Variants in DDI2 observed in about 807,000 individuals in gnomAD.
DDI2 encodes the protein DDI proteasomal shuttling factor 2, also known as protein DDI1 homolog 2.
Under a neutral mutation model 48.1 loss-of-function variants are expected in DDI2, and 5 were observed. The ratio of observed to expected loss-of-function variants is 0.10; its 90% CI spans 0.05 to 0.22. The LOEUF (loss-of-function observed/expected upper bound fraction) is 0.22, where lower values mean the gene tolerates loss of function less well. Among genes scored for constraint, DDI2 ranks in the 10% least tolerant of loss-of-function variants. The pLI, the probability that DDI2 is intolerant of heterozygous loss-of-function variation, is 1.00. For missense variants in DDI2, 285 were observed against 506.2 expected (o/e 0.56, Z 4.19); for synonymous variants, 205 against 183.6 (o/e 1.12, Z -0.94).
At chr1:15,644,826 C>T (rs1640064341) in intron 6 of DDI2, among the ~76,000 whole-genome samples, 2 of 151,938 alleles carry the variant, frequency 1.3e-5, no homozygotes, top group Admixed American at 6.6e-5. Flanking sequence ...ATCTCCTGAC[C>T]TCGTGATCCG....
intron 5 of DDI2, among the ~76,000 whole-genome samples, chr1:15,643,242 C>T (rs556469808): frequency 6.6e-6 from 1 of 152,340 alleles, no homozygotes; most frequent in South Asian, 2.1e-4. Flanking sequence ...CAGGACATCA[C>T]TGCTTTCTAC....
chr1:15,649,269 C>T (rs1305492933), intron 6 of DDI2, among the ~76,000 whole-genome samples: 1 of 152,010 alleles, frequency 6.6e-6, no homozygotes, highest in Non-Finnish European at 1.5e-5. Flanking sequence ...AAGGTTTAGG[C>T]AGAGAATCAG....
intron 9 of DDI2, among the ~76,000 whole-genome samples, chr1:15,659,530 AAACAT>A (rs1285781615): frequency 6.6e-6 from 1 of 152,230 alleles, no homozygotes; most frequent in Non-Finnish European, 1.5e-5. Flanking sequence ...GGGAATAAAG[AAACAT>A]AAATGTCCTT....
chr1:15,626,770 A>C lies in DDI2; in HGVS notation c.240A>C (p.Ala80=). ...TGATTTTACGACAGAAGGAGAATGC[A>C]GACCCTCGACCTCCAGTGCAGTTCC... is the stretch of plus-strand genomic sequence containing the variant. The part of the protein sequence containing the change: ...DVVILRQKEN[A]DPRPPVQFPN... Residue 80 remains alanine, a synonymous_variant, in exon 2 of 10, where the codon GCA becomes GCC. Transcript: ENST00000480945. 1 of 1,614,178 alleles carries C rather than the reference A, an allele frequency of 6.2e-7. No individual in the cohort carries two copies. The highest frequency in any genetic ancestry group is 8.5e-7 in the Non-Finnish European group (1 of 1,180,038).
chr1:15,652,581 T>C (rs1640207612), intron 8 of DDI2, among the ~76,000 whole-genome samples: 1 of 151,252 alleles, frequency 6.6e-6, no homozygotes, highest in Admixed American at 6.6e-5. Flanking sequence ...CCCAGCACTT[T>C]GGGAGGCTGA....
At chr1:15,656,097 T>G (rs944809420) in intron 8 of DDI2, among the ~76,000 whole-genome samples, 8 of 152,182 alleles carry the variant, frequency 5.3e-5, no homozygotes, top group Non-Finnish European at 7.3e-5. Context: ...CTCCTGGACC[T>G]CCCAAAGTGT....
rs1183774014 is a variant in DDI2, at chr1:15,617,534, G to C, written c.-137G>C. 1 of 623,608 alleles carries C rather than the reference G, an allele frequency of 1.6e-6. No individual in the cohort carries two copies. Among genetic ancestry groups the C allele is most frequent in the Non-Finnish European group, 2.3e-6 (1 of 436,284 alleles). The allele number at this position is 623,608 out of a possible 1,614,324, so 38.6% of individuals were successfully genotyped here. On this transcript the variant is annotated 5_prime_UTR_variant, in exon 1 of 10. Transcript: ENST00000480945. ...AGGGAGTGACTCACTGAGCGTGTGT[G>C]AGGGAGGGAGCGAGCGAGCGAACGA...
At chr1:15,655,989 A>G (rs1284340092) in intron 8 of DDI2, among the ~76,000 whole-genome samples, 4 of 151,666 alleles carry the variant, frequency 2.6e-5, no homozygotes, top group Non-Finnish European at 5.9e-5. Flanking sequence ...ACTCTATATT[A>G]AAATGTTTTA....
chr1:15,648,854 A>C (rs1043672938), intron 6 of DDI2, among the ~76,000 whole-genome samples: 1 of 146,582 alleles, frequency 6.8e-6, no homozygotes, highest in South Asian at 2.1e-4. Flanking sequence ...AAAAAAAAAC[A>C]ACCCTAAAAC....
intron 6 of DDI2, among the ~76,000 whole-genome samples, chr1:15,648,853 C>A (rs78232475): frequency 0.37 from 46,520 of 127,038 alleles, 9,748 homozygotes; most frequent in African/African-American, 0.59. Context: ...AAAAAAAAAA[C>A]AACCCTAAAA....
chr1:15,650,079 C>G (rs979806203), intron 7 of DDI2, among the ~76,000 whole-genome samples: 5 of 152,048 alleles, frequency 3.3e-5, no homozygotes, highest in Non-Finnish European at 7.4e-5. Flanking sequence ...CAGTTTGGTT[C>G]CCTTGTATAA....
chr1:15,628,403 G>T (rs1463181545), intron 2 of DDI2, among the ~76,000 whole-genome samples: 1 of 152,162 alleles, frequency 6.6e-6, no homozygotes. Context: ...TTTTCTATCT[G>T]AGGTCCAAAA....
Position 15,667,057 on chromosome 1 carries a change from A to G in DDI2, c.*7267A>G, listed in dbSNP as rs535684726. 2.6e-5 allele frequency: 4 copies of G among 152,234 alleles called. No individual in the cohort carries two copies. Among genetic ancestry groups the G allele is most frequent in the East Asian group, 1.9e-4 (1 of 5,182 alleles). The allele number at this position is 152,234 out of a possible 1,614,324, so 9.4% of individuals were successfully genotyped here. ...ACCTTACCTCTACTAAAAATAAAAA[A>G]TTAGCCGGGCATGGTGGCACATGCC... On this transcript the variant is annotated 3_prime_UTR_variant, in exon 10 of 10. Transcript: ENST00000480945.
At chr1:15,630,623 A>G in intron 3 of DDI2, 62 bp downstream of exon 3, 5 of 1,133,314 alleles carry the variant, frequency 4.4e-6, no homozygotes, top group Non-Finnish European at 6.7e-6. Context: ...GTGTCATAGC[A>G]AATGTGAAGA....
intron 8 of DDI2, among the ~76,000 whole-genome samples, chr1:15,654,934 T>A (rs906576366): frequency 5.1e-5 from 7 of 137,000 alleles, no homozygotes; most frequent in Non-Finnish European, 1.1e-4. Flanking sequence ...TTTTATGAAA[T>A]GTCTTTTTTT....
At chr1:15,618,386 G>T (rs1233445355) in intron 1 of DDI2, among the ~76,000 whole-genome samples, 4 of 151,548 alleles carry the variant, frequency 2.6e-5, no homozygotes, top group Admixed American at 2.6e-4. Flanking sequence ...CTTTGGAAAT[G>T]CTCTTTACCC....
At chr1:15,654,062 T>C (rs1161897819) in intron 8 of DDI2, among the ~76,000 whole-genome samples, 1 of 152,142 alleles carries the variant, frequency 6.6e-6, no homozygotes, top group Non-Finnish European at 1.5e-5. Flanking sequence ...ACTTTTGAGT[T>C]TGGGTTATTT....
In DDI2 at chr1:15,651,829, G is replaced by A. The variant is rs1439155450; in HGVS notation, c.1117G>A (p.Val373Ile). 1 of 1,614,080 alleles carries A rather than the reference G, an allele frequency of 6.2e-7. No homozygotes were observed. Among genetic ancestry groups the A allele is most frequent in the Non-Finnish European group, 8.5e-7 (1 of 1,179,990 alleles). The change falls in exon 8 of 10, where the codon GTA becomes ATA. Residue 373 changes from valine (V) to isoleucine (I), a missense_variant. Transcript: ENST00000480945. ...RLAYGAGRED[V>I]RPEEIADQEL... ...GGCATATGGGGCTGGAAGAGAGGATGTACGGCCAGAGGAGATTGCAGACCA... is the reference window on the plus strand; with the variant it reads ...GGCATATGGGGCTGGAAGAGAGGATATACGGCCAGAGGAGATTGCAGACCA...
At chr1:15,640,253 A>G (rs1639986962) in intron 5 of DDI2, among the ~76,000 whole-genome samples, 1 of 152,108 alleles carries the variant, frequency 6.6e-6, no homozygotes, top group Non-Finnish European at 1.5e-5. Flanking sequence ...TGTGCCAAGC[A>G]CCATGCTAGG....
Sources: allele counts gnomAD v4.1 joint callset (sites outside exome capture counted in the v4.1 genomes callset), GRCh38; gene constraint gnomAD v4.1.1; transcripts MANE v1.5; gene names NCBI Gene and HGNC (gene_info 2026-07-23, HGNC 2026-07-21).